EGFL6: variants seen among roughly 807,000 people sequenced by gnomAD.
The protein encoded by EGFL6 is EGF like domain multiple 6, also known as epidermal growth factor-like protein 6.
EGFL6 carries 42 observed loss-of-function variants against 43.1 expected under a neutral mutation model. The ratio of observed to expected loss-of-function variants is 0.98; its 90% CI spans 0.76 to 1.26. The LOEUF (loss-of-function observed/expected upper bound fraction) is 1.26, where lower values mean the gene tolerates loss of function less well. Ranked by LOEUF, EGFL6 falls within the 50% of genes most tolerant of loss-of-function variation. The pLI is 0.00. For missense variants in EGFL6, 429 were observed against 427.8 expected (o/e 1.00, Z -0.02); for synonymous variants, 164 against 163.2 (o/e 1.01, Z -0.04).
At chrX:13,597,550 G>T (rs1238513561) in intron 3 of EGFL6, among the ~76,000 whole-genome samples, 1 of 111,806 alleles carries the variant, frequency 8.9e-6, no homozygotes, top group Non-Finnish European at 1.9e-5. Flanking sequence ...TAGGGAGGTC[G>T]AGGTGGGTGG....
intron 1 of EGFL6, among the ~76,000 whole-genome samples, chrX:13,583,679 GAA>G (rs2045519928): frequency 1.8e-5 from 2 of 112,035 alleles, no homozygotes; most frequent in Non-Finnish European, 3.8e-5. Flanking sequence ...TCTTTAAGGT[GAA>G]ATTCTATGAT....
At chrX:13,575,258 C>T (rs1007623640) in intron 1 of EGFL6, among the ~76,000 whole-genome samples, 4 of 111,730 alleles carry the variant, frequency 3.6e-5, no homozygotes, top group Admixed American at 9.5e-5. Context: ...TGGAGAAACT[C>T]TGTCTCTACT....
At position 13,600,018 on chromosome X, in the gene EGFL6, A is replaced by G. The variant is rs6629276; in HGVS notation, c.324A>G (p.Arg108=). The G allele has an allele frequency of 4.7e-3, 5,734 of 1,208,191 alleles. 131 individuals carry two copies. In the African/African-American group the frequency reaches 0.076, roughly 16 times the overall value. Residue 108 remains arginine, a synonymous_variant, in exon 4 of 12, where the codon AGA becomes AGG. Transcript: ENST00000361306. ...TGAAACCCCGGCCATGCCAACACAGATGTGTGAATACACACGGAAGCTACA... is the reference window on the plus strand; with the variant it reads ...TGAAACCCCGGCCATGCCAACACAGGTGTGTGAATACACACGGAAGCTACA... ...CGMKPRPCQH[R]CVNTHGSYKC...
intron 3 of EGFL6, among the ~76,000 whole-genome samples, chrX:13,599,392 C>T (rs1330586211): frequency 9.0e-6 from 1 of 110,788 alleles, no homozygotes; most frequent in Non-Finnish European, 1.9e-5. Flanking sequence ...ATGTTGACCT[C>T]TTATATCACA....
chrX:13,597,785 G>GA lies in EGFL6; in HGVS notation c.281-2181dup, dbSNP rs200848302. Among the ~76,000 whole-genome samples, 566 of 108,590 alleles carry GA rather than the reference G, an allele frequency of 5.2e-3. 9 individuals carry two copies. The highest frequency in any genetic ancestry group is 0.018 in the African/African-American group (537 of 29,792). The allele number at this position is 108,590 out of a possible 115,157, so 94.3% of individuals were successfully genotyped here. On this transcript the variant is annotated intron_variant, in intron 3 of 11. Coordinates refer to ENST00000361306, the MANE Select transcript of EGFL6 (RefSeq NM_015507.4). ...GGCAACAGAGCGAGACTCCATCTCA[G>GA]AAAAAAAAATCATGCTTTCATAAGT...
chrX:13,589,063 C>T (rs1397826174), intron 1 of EGFL6, among the ~76,000 whole-genome samples: 1 of 112,092 alleles, frequency 8.9e-6, no homozygotes, highest in African/African-American at 3.2e-5. Context: ...GGAGTTTCCT[C>T]CTCTGTAACA....
Position 13,603,435 on chromosome X carries a change from A to T in EGFL6, c.519A>T (p.Leu173=). The T allele has an allele frequency of 8.3e-7, 1 of 1,201,665 alleles. No individual in the cohort carries two copies. Among genetic ancestry groups the T allele is most frequent in the Non-Finnish European group, 1.1e-6 (1 of 891,613 alleles). The change falls in exon 5 of 12, where the codon CTA becomes CTT. Residue 173 remains leucine, a splice_region_variant and synonymous_variant. Coordinates refer to ENST00000361306, the MANE Select transcript of EGFL6 (RefSeq NM_015507.4). ...TGGCCCCAAATGGAAGAGACTGTCT[A>T]GGTACAACAGCAGGAATCACCTCTA... ...LRLAPNGRDC[L]DIDECASGKV... is the part of the protein sequence containing the mutation.
intron 11 of EGFL6, among the ~76,000 whole-genome samples, chrX:13,631,146 T>C (rs766220969): frequency 3.6e-5 from 4 of 112,626 alleles, no homozygotes; most frequent in African/African-American, 6.4e-5. Flanking sequence ...TATATGTGCA[T>C]GTTATTTTAA....
chrX:13,606,131 G>A (rs2045658852), intron 5 of EGFL6, among the ~76,000 whole-genome samples: 1 of 111,689 alleles, frequency 9.0e-6, no homozygotes, highest in African/African-American at 3.3e-5. Flanking sequence ...CAGAAGATGT[G>A]AATGTAAGTA....
At chrX:13,592,025 G>T (rs1264792644) in intron 2 of EGFL6, among the ~76,000 whole-genome samples, 1 of 111,293 alleles carries the variant, frequency 9.0e-6, no homozygotes, top group Admixed American at 9.6e-5. Flanking sequence ...TTCCCTTGCT[G>T]TCGATTGGCT....
At chrX:13,600,707 G>A (rs2045629305) in intron 4 of EGFL6, among the ~76,000 whole-genome samples, 1 of 100,543 alleles carries the variant, frequency 9.9e-6, no homozygotes. Context: ...AGACCAGCCT[G>A]GCCAACATGA....
intron 4 of EGFL6, among the ~76,000 whole-genome samples, chrX:13,600,722 A>G (rs1385672395): frequency 2.1e-5 from 2 of 96,242 alleles, no homozygotes; most frequent in Middle Eastern, 5.2e-3. Context: ...ACATGACGAA[A>G]CCCTGTCTCT....
At chrX:13,627,414 G>A (rs962098922) in intron 11 of EGFL6, 138 bp downstream of exon 11, 5 of 823,543 alleles carry the variant, frequency 6.1e-6, no homozygotes, top group East Asian at 3.3e-5. Flanking sequence ...TAAAGAATAC[G>A]TTCTGGAGCT....
rs771944061 is a variant in EGFL6 at position 13,623,804 on chromosome X, A to G, written c.1184-20A>G. On this transcript the variant is annotated intron_variant, in intron 9 of 11. Coordinates refer to ENST00000361306, the MANE Select transcript of EGFL6 (RefSeq NM_015507.4). ...CTAATGCTTTTAGGGGTTATGAAAT[A>G]TGTTCTTTCTTTTTAGCAGATTTAA... 7.7e-6 allele frequency: 9 copies of G among 1,172,113 alleles called. No individual in the cohort carries two copies. The highest frequency in any genetic ancestry group is 1.0e-5 in the Non-Finnish European group (9 of 860,535).
intron 10 of EGFL6, among the ~76,000 whole-genome samples, chrX:13,626,318 A>T (rs1369356392): frequency 9.0e-6 from 1 of 111,365 alleles, no homozygotes; most frequent in African/African-American, 3.3e-5. Flanking sequence ...CTTCTATAGA[A>T]ATTTTTCCTT....
chrX:13,598,543 T>C (rs1209878533), intron 3 of EGFL6, among the ~76,000 whole-genome samples: 2 of 98,831 alleles, frequency 2.0e-5, no homozygotes, highest in Admixed American at 2.2e-4. Flanking sequence ...TTAATAAAAA[T>C]GTTACTTATT....
intron 8 of EGFL6, 25 bp from the exon 9 acceptor site, chrX:13,619,138 T>A: frequency 4.2e-6 from 5 of 1,193,424 alleles, no homozygotes; most frequent in Non-Finnish European, 5.7e-6. Flanking sequence ...GTTTTTTTCT[T>A]AACTGACCAA....
At chrX:13,599,801 C>T (rs1011175816) in intron 3 of EGFL6, among the ~76,000 whole-genome samples, 174 bp from the exon 4 acceptor site, 1 of 111,052 alleles carries the variant, frequency 9.0e-6, no homozygotes, top group Admixed American at 9.7e-5. Flanking sequence ...CCATTTGCTA[C>T]ACATTGTCAC....
At chrX:13,606,347 A>G (rs777761587) in intron 5 of EGFL6, 32 bp from the exon 6 acceptor site, 1 of 1,203,106 alleles carries the variant, frequency 8.3e-7, no homozygotes, top group East Asian at 3.0e-5. Context: ...TTTTCTTGCT[A>G]TCACTGACAC....
Sources: gnomAD v4.1 joint callset for allele counts (sites outside exome capture counted in the v4.1 genomes callset) on GRCh38, gnomAD v4.1.1 for gene constraint, MANE v1.5 for transcripts, NCBI Gene and HGNC (gene_info 2026-07-23, HGNC 2026-07-21) for gene names.